The following EML1 variants were observed in gnomAD, a reference collection of about 807,000 sequenced individuals.
The protein encoded by EML1 is EMAP like 1, also known as echinoderm microtubule-associated protein-like 1.
EML1 carries 27 observed loss-of-function variants against 110.4 expected under a neutral mutation model. The observed-to-expected ratio is 0.24, with a 90% confidence interval of 0.18 to 0.34. EML1 has a LOEUF of 0.34. Ranked by LOEUF, EML1 falls within the 10% of genes least tolerant of loss-of-function variation. The probability of loss-of-function intolerance (pLI) is 1.00; values close to 1 mark genes in which losing one functional copy is unlikely to be tolerated. For missense variants in EML1, 741 were observed against 1,030.9 expected, an observed-to-expected ratio of 0.72 and a Z score of 3.85; for synonymous variants, 344 against 385.8, an observed-to-expected ratio of 0.89 and a Z score of 1.27.
At chr14:99,924,771 T>C (rs1166693554) in intron 17 of EML1, among the ~76,000 whole-genome samples, 2 of 152,208 alleles carry the variant, frequency 1.3e-5, no homozygotes, top group African/African-American at 2.4e-5. Flanking sequence ...ATTTCTAATT[T>C]GTTTGGAGGT....
chr14:99,738,033 C>G (rs2140154848), intron 1 of EML1, among the ~76,000 whole-genome samples: 2 of 152,330 alleles, frequency 1.3e-5, no homozygotes, highest in East Asian at 3.9e-4. Context: ...GCTTGACTTT[C>G]AAAGCTGGGT....
intron 4 of EML1, among the ~76,000 whole-genome samples, chr14:99,880,990 A>C (rs1230278857): frequency 6.6e-6 from 1 of 152,218 alleles, no homozygotes; most frequent in Non-Finnish European, 1.5e-5. Flanking sequence ...TGTAAGATGA[A>C]AGTGTTAGAT....
At chr14:99,812,540 C>T (rs1414807745) in intron 1 of EML1, among the ~76,000 whole-genome samples, 7 of 151,776 alleles carry the variant, frequency 4.6e-5, no homozygotes, top group African/African-American at 9.7e-5. Context: ...CACAATGCGC[C>T]TCCCCACATG....
chr14:99,897,954 C>G (rs945847698), intron 7 of EML1, among the ~76,000 whole-genome samples: 28 of 152,138 alleles, frequency 1.8e-4, no homozygotes, highest in Admixed American at 9.2e-4. Context: ...AGATTGTAGA[C>G]TAATGTAGTG....
At chr14:99,839,629 C>G (rs1057067963) in intron 1 of EML1, among the ~76,000 whole-genome samples, 1 of 152,192 alleles carries the variant, frequency 6.6e-6, no homozygotes, top group Non-Finnish European at 1.5e-5. Context: ...TTTCCAGATT[C>G]AAGAGGCTCT....
chr14:99,788,869 T>A (rs77078740), upstream of EML1, among the ~76,000 whole-genome samples: 4,936 of 152,296 alleles, frequency 0.032, 111 homozygotes, highest in African/African-American at 0.07. Context: ...TCTGTCTCTA[T>A]GAATTTGACA....
At chr14:99,871,324 G>A (rs1217977754) in intron 3 of EML1, among the ~76,000 whole-genome samples, 1 of 152,050 alleles carries the variant, frequency 6.6e-6, no homozygotes, top group African/African-American at 2.4e-5. Context: ...AAACCTTCTA[G>A]AAAGGATTCA....
In EML1 at chr14:99,752,386, C is replaced by T. The variant is rs146071638; in HGVS notation, c.28+14526C>T. On this transcript the variant is annotated intron_variant, in intron 1 of 10. Transcript: ENST00000554479. ...CAGGGTCGCCGGGCGGAATGCAGGA[C>T]GTCCAGCTGAATTTGAATTTCAGAT... 9.8e-5 allele frequency among the ~76,000 whole-genome samples: 15 copies of T among 152,352 alleles called. No individual in the cohort carries two copies. In the East Asian group the frequency reaches 2.7e-3, roughly 27 times the overall value.
chr14:99,907,920 G>GT (rs958363429), intron 10 of EML1, among the ~76,000 whole-genome samples, 187 bp downstream of exon 10: 2 of 152,200 alleles, frequency 1.3e-5, no homozygotes, highest in African/African-American at 4.8e-5. Context: ...TCCTGTTAGG[G>GT]TTTTTTCTCT....
chr14:99,878,402 T>G, intron 3 of EML1, 83 bp from the exon 4 acceptor site: 1 of 1,508,832 alleles, frequency 6.6e-7, no homozygotes, highest in Non-Finnish European at 8.9e-7. Context: ...AAGTATGACG[T>G]TCTATGTATA....
intron 1 of EML1, among the ~76,000 whole-genome samples, chr14:99,845,351 T>C (rs1213492989): frequency 6.6e-6 from 1 of 152,232 alleles, no homozygotes; most frequent in African/African-American, 2.4e-5. Flanking sequence ...TTTTTCCCCT[T>C]GCCTATTTTT....
chr14:99,808,619 G>A (rs568787460), intron 1 of EML1, among the ~76,000 whole-genome samples: 41 of 151,914 alleles, frequency 2.7e-4, no homozygotes, highest in Non-Finnish European at 5.6e-4. Flanking sequence ...CTAAATGCAG[G>A]CCAACCACGG....
upstream of EML1, among the ~76,000 whole-genome samples, chr14:99,769,081 G>A (rs1405771404): frequency 6.6e-6 from 1 of 152,100 alleles, no homozygotes; most frequent in African/African-American, 2.4e-5. Flanking sequence ...GTATTGGTTG[G>A]TGGTTTCGAT....
Position 99,807,199 on chromosome 14 carries a change from C to T in EML1, c.67+13656C>T, listed in dbSNP as rs150526173. ...AGATTACGTGCATTCTTTCGTGATC[C>T]TCTGTAATCTACCACCAAATTACTT... On this transcript the variant is annotated intron_variant, in intron 1 of 21. Coordinates refer to ENST00000262233, the MANE Select transcript of EML1 (RefSeq NM_004434.3). 3.2e-3 allele frequency among the ~76,000 whole-genome samples: 490 copies of T among 152,266 alleles called. 3 individuals carry two copies. Among genetic ancestry groups the T allele is most frequent in the African/African-American group, 0.011 (470 of 41,554 alleles).
chr14:99,909,198 C>T, intron 10 of EML1, 147 bp from the exon 11 acceptor site: 2 of 1,249,610 alleles, frequency 1.6e-6, no homozygotes, highest in Non-Finnish European at 2.3e-6. Context: ...ATGTTTTTAG[C>T]AAGATGGATT....
chr14:99,738,126 G>A (rs1179642560), intron 1 of EML1, among the ~76,000 whole-genome samples: 2 of 152,238 alleles, frequency 1.3e-5, no homozygotes, highest in African/African-American at 4.8e-5. Context: ...GGCAGCCGGG[G>A]CCAGAGCTGA....
At chr14:99,753,988 G>GC (rs938434300) in intron 1 of EML1, among the ~76,000 whole-genome samples, 2 of 152,222 alleles carry the variant, frequency 1.3e-5, no homozygotes, top group East Asian at 3.9e-4. Context: ...TCCAACAAGG[G>GC]CCCCCCACCC....
chr14:99,774,523 C>G (rs902289009), intron 1 of EML1, among the ~76,000 whole-genome samples: 1 of 152,230 alleles, frequency 6.6e-6, no homozygotes, highest in Non-Finnish European at 1.5e-5. Flanking sequence ...TCAGACCTCC[C>G]CATATCCACC....
At chr14:99,891,345 G>T (rs1368290136) in intron 5 of EML1, 118 bp downstream of exon 5, 1 of 1,301,216 alleles carries the variant, frequency 7.7e-7, no homozygotes, top group Non-Finnish European at 1.1e-6. Flanking sequence ...GCTTTGGTTT[G>T]TGCAGGCCCA....
Sources: gnomAD v4.1 joint callset for allele counts (sites outside exome capture counted in the v4.1 genomes callset) on GRCh38, gnomAD v4.1.1 for gene constraint, MANE v1.5 for transcripts, NCBI Gene and HGNC (gene_info 2026-07-23, HGNC 2026-07-21) for gene names.